Variants in MYLK observed in about 807,000 individuals in gnomAD.
MYLK encodes the protein myosin light chain kinase, also known as myosin light chain kinase, smooth muscle.
In MYLK, 106 loss-of-function variants were observed where a neutral mutation model predicts 203.4. The ratio of observed to expected loss-of-function variants is 0.52; its 90% confidence interval spans 0.45 to 0.61. The LOEUF is 0.61. Ranked by LOEUF, MYLK falls within the 20% of genes least tolerant of loss-of-function variation. MYLK has a pLI of 0.00. For missense variants in MYLK, 2,072 were observed against 2,442.3 expected, an observed-to-expected ratio of 0.85 and a Z score of 3.20; for synonymous variants, 867 against 959.5, an observed-to-expected ratio of 0.90 and a Z score of 1.78.
chr3:123,800,454 G>A (rs2065155842), intron 3 of MYLK, among the ~76,000 whole-genome samples: 1 of 152,102 alleles, frequency 6.6e-6, no homozygotes, highest in African/African-American at 2.4e-5. Flanking sequence ...AGCCCAGCAA[G>A]CAGATGGATG....
chr3:123,782,118 C>T (rs1010858934), intron 4 of MYLK, among the ~76,000 whole-genome samples: 6 of 152,060 alleles, frequency 3.9e-5, no homozygotes, highest in Admixed American at 2.0e-4. Context: ...ATGTGAGACT[C>T]GGGAAGGTTT....
At chr3:123,628,320 G>A (rs746225190) in intron 30 of MYLK, among the ~76,000 whole-genome samples, 3 of 152,132 alleles carry the variant, frequency 2.0e-5, no homozygotes, top group Admixed American at 6.5e-5. Context: ...TTCCTGCCCC[G>A]AACAGCCATT....
intron 3 of MYLK, among the ~76,000 whole-genome samples, chr3:123,804,307 G>A (rs2065295160): frequency 6.6e-6 from 1 of 152,148 alleles, no homozygotes; most frequent in African/African-American, 2.4e-5. Context: ...CATGGCAGTA[G>A]GGTGTGCTAT....
chr3:123,789,576 T>C (rs770606329), intron 4 of MYLK, among the ~76,000 whole-genome samples: 14 of 151,432 alleles, frequency 9.2e-5, no homozygotes, highest in Non-Finnish European at 1.6e-4. Flanking sequence ...AGGGATCTGG[T>C]TGCCTGGGTC....
chr3:123,765,359 C>T (rs972098239), intron 4 of MYLK, among the ~76,000 whole-genome samples: 8 of 151,920 alleles, frequency 5.3e-5, no homozygotes, highest in Admixed American at 6.6e-5. Context: ...GGTGAAACCC[C>T]GTCTCTACTA....
chr3:123,813,824 T>C (rs1056342467), intron 3 of MYLK, among the ~76,000 whole-genome samples: 2 of 152,152 alleles, frequency 1.3e-5, no homozygotes, highest in African/African-American at 4.8e-5. Context: ...TCACGGCCTC[T>C]TAAGCACTAG....
chr3:123,679,117 G>A (rs543641868), intron 20 of MYLK, among the ~76,000 whole-genome samples: 5 of 152,130 alleles, frequency 3.3e-5, no homozygotes, highest in African/African-American at 1.2e-4. Flanking sequence ...GACCATCCTG[G>A]CCCACATGGC....
intron 8 of MYLK, chr3:123,735,647 G>A (rs1462491336): frequency 3.8e-6 from 2 of 531,190 alleles, no homozygotes; most frequent in Non-Finnish European, 6.8e-6. Flanking sequence ...ACCATACCCT[G>A]AGGGCATGGA....
intron 2 of MYLK, among the ~76,000 whole-genome samples, chr3:123,847,278 G>T (rs1224609992): frequency 6.6e-6 from 1 of 152,080 alleles, no homozygotes; most frequent in Non-Finnish European, 1.5e-5. Flanking sequence ...GACACCCAAG[G>T]GAGGTCCTGG....
chr3:123,649,151 G>A lies in MYLK; in HGVS notation c.4321+11C>T, dbSNP rs750677252. The A allele has an allele frequency of 1.2e-6, 2 of 1,613,692 alleles. No homozygotes were observed. The highest frequency in any genetic ancestry group is 1.7e-6 in the Non-Finnish European group (2 of 1,180,018). ...CCAAGAGCCTGACCCGAAGACAGGG[G>A]CTGCACTCACCATCATCTGACACCT... On this transcript the variant is annotated intron_variant, in intron 25 of 33. Transcript: ENST00000360304.
intron 4 of MYLK, among the ~76,000 whole-genome samples, chr3:123,781,223 G>C (rs1457322537): frequency 6.6e-6 from 1 of 152,244 alleles, no homozygotes; most frequent in African/African-American, 2.4e-5. Flanking sequence ...GGCCAGAGAG[G>C]AAGTGCTCCA....
intron 4 of MYLK, among the ~76,000 whole-genome samples, chr3:123,768,193 A>T (rs1017644409): frequency 6.6e-6 from 1 of 152,268 alleles, no homozygotes; most frequent in Non-Finnish European, 1.5e-5. Context: ...GCATGAGAGC[A>T]GTGCTTATTC....
At chr3:123,834,848 G>A (rs971353480) in intron 2 of MYLK, among the ~76,000 whole-genome samples, 4 of 152,110 alleles carry the variant, frequency 2.6e-5, no homozygotes, top group South Asian at 2.1e-4. Flanking sequence ...TGTCTGCTCC[G>A]GGAAGTAGAG....
Position 123,785,248 on chromosome 3 carries a change from G to A in MYLK, c.165+8429C>T, listed in dbSNP as rs78307259. On this transcript the variant is annotated intron_variant, in intron 4 of 33. Coordinates refer to ENST00000360304, the MANE Select transcript of MYLK (RefSeq NM_053025.4). ...CTTTGGACTGCTTCATGTTTATTTC[G>A]ATGTCATATTTGTCAGGAAGGGAAG... is the stretch of plus-strand genomic sequence containing the variant. Among the ~76,000 whole-genome samples, 1,084 of 152,264 alleles carry A rather than the reference G, an allele frequency of 7.1e-3. 24 individuals carry two copies. Among genetic ancestry groups the A allele is most frequent in the Admixed American group, 0.046 (709 of 15,298 alleles).
rs749195961 is a variant in MYLK, at chr3:123,626,956, G to C, written c.5115-15C>G. 4 of 1,613,950 alleles carry C rather than the reference G, an allele frequency of 2.5e-6. No individual in the cohort carries two copies. Among genetic ancestry groups the C allele is most frequent in the Non-Finnish European group, 3.4e-6 (4 of 1,179,986 alleles). Reference sequence around the variant, plus strand: ...CCAGGCGGTTTCTGACAGAGGCAGAGATCAGGAGATTTTTGAGCAGGAGGA... The same window carrying C: ...CCAGGCGGTTTCTGACAGAGGCAGACATCAGGAGATTTTTGAGCAGGAGGA... On this transcript the variant is annotated splice_polypyrimidine_tract_variant and intron_variant, in intron 30 of 33. Coordinates refer to ENST00000360304, the MANE Select transcript of MYLK (RefSeq NM_053025.4).
chr3:123,764,465 T>C (rs2063638224), intron 4 of MYLK, among the ~76,000 whole-genome samples: 1 of 152,144 alleles, frequency 6.6e-6, no homozygotes, highest in South Asian at 2.1e-4. Flanking sequence ...TTTGGTGGTG[T>C]GGGGTGGAGG....
At chr3:123,620,108 AT>A (rs201327549) in intron 32 of MYLK, 98 bp downstream of exon 32, 28,666 of 946,094 alleles carry the variant, frequency 0.03, 106 homozygotes, top group East Asian at 0.14. Context: ...GAATATTAAA[AT>A]AAAAAAAAAA....
At position 123,849,416 on chromosome 3, in the gene MYLK, A is replaced by C. The variant is rs1164690234; in HGVS notation, c.-126-17746T>G. Among the ~76,000 whole-genome samples, 3 of 152,220 alleles carry C rather than the reference A, an allele frequency of 2.0e-5. No homozygotes were observed. The East Asian group carries it at 5.8e-4, about 29-fold the overall frequency. On this transcript the variant is annotated intron_variant, in intron 2 of 33. Transcript: ENST00000360304. ...AAATACTACCTAGCCAACCCAAAGA[A>C]TTGTGATATAAATAAAAATAGCTAT...
intron 14 of MYLK, chr3:123,709,535 A>G: frequency 1.6e-6 from 1 of 629,988 alleles, no homozygotes; most frequent in Non-Finnish European, 2.8e-6. Flanking sequence ...CTCTATGGCC[A>G]TCTTCTTCCT....
Sources: gnomAD v4.1 joint callset for allele counts (sites outside exome capture counted in the v4.1 genomes callset) on GRCh38, gnomAD v4.1.1 for gene constraint, MANE v1.5 for transcripts, NCBI Gene and HGNC (gene_info 2026-07-23, HGNC 2026-07-21) for gene names.